RDH10: variants seen among roughly 807,000 people sequenced by gnomAD.
RDH10 encodes the protein retinol dehydrogenase 10 (all-trans).
Under a neutral mutation model 30.2 loss-of-function variants are expected in RDH10, and 12 were observed. That is an observed-to-expected ratio of 0.40 (90% confidence interval 0.25 to 0.64). RDH10 has a LOEUF of 0.64. Ranked by LOEUF, RDH10 falls within the 30% of genes least tolerant of loss-of-function variation. The pLI is 0.43. For missense variants in RDH10, 268 were observed against 445.2 expected, an observed-to-expected ratio of 0.60 and a Z score of 3.58; for synonymous variants, 189 against 172.2, an observed-to-expected ratio of 1.10 and a Z score of -0.76.
intron 1 of RDH10, among the ~76,000 whole-genome samples, chr8:73,296,418 T>G (rs555076754): frequency 9.2e-5 from 14 of 152,238 alleles, no homozygotes; most frequent in Non-Finnish European, 1.5e-4. Context: ...ATCATCAAAC[T>G]TATTGATACC....
In RDH10 at chr8:73,321,092, A is replaced by G. The variant is rs750724281; in HGVS notation, c.770+15A>G. ...TGCCGAATCAGGTCAGTGAGAACCT[A>G]TATTATTACTGATAAAAAGAATATG... On this transcript the variant is annotated intron_variant, in intron 4 of 5. Coordinates refer to ENST00000240285, the MANE Select transcript of RDH10 (RefSeq NM_172037.5). 2.3e-5 allele frequency: 36 copies of G among 1,580,026 alleles called. No homozygotes were observed. Among genetic ancestry groups the G allele is most frequent in the East Asian group, 2.3e-4 (10 of 44,226 alleles).
chr8:73,320,029 G>A (rs1429055350), intron 3 of RDH10, among the ~76,000 whole-genome samples: 5 of 152,164 alleles, frequency 3.3e-5, no homozygotes, highest in African/African-American at 1.2e-4. Flanking sequence ...CTGAAGTTGG[G>A]CCATGGACAA....
At chr8:73,296,365 G>A (rs146787704) in intron 1 of RDH10, among the ~76,000 whole-genome samples, 159 of 151,928 alleles carry the variant, frequency 1.0e-3, no homozygotes, top group African/African-American at 3.6e-3. Context: ...TTACCTGTAC[G>A]GAGAAAATTG....
In RDH10 at chr8:73,297,204, TGAG is replaced by T; in HGVS notation, c.303_305del (p.Glu103del). 2 of 1,607,086 alleles carry T rather than the reference TGAG, an allele frequency of 1.2e-6. No homozygotes were observed. The highest frequency in any genetic ancestry group is 1.7e-6 in the Non-Finnish European group (2 of 1,173,492). On this transcript the variant is annotated inframe_deletion, in exon 2 of 6. Transcript: ENST00000240285. ...GACTTCTGAGGACAGCTGGGAATGG[TGAG>T]GAAGAAATTCTGCCCCACTGTAACT...
chr8:73,301,661 C>T (rs1050804530), intron 2 of RDH10, among the ~76,000 whole-genome samples: 5 of 152,074 alleles, frequency 3.3e-5, no homozygotes, highest in African/African-American at 1.2e-4. Context: ...GAGGCTGAGG[C>T]AGGAGAATTG....
At chr8:73,307,583 T>C (rs111613005) in intron 2 of RDH10, among the ~76,000 whole-genome samples, 2 of 152,330 alleles carry the variant, frequency 1.3e-5, no homozygotes, top group African/African-American at 4.8e-5. Flanking sequence ...ACTATCCTCA[T>C]GTTTATGGAT....
At chr8:73,306,636 T>A (rs1379310512) in intron 2 of RDH10, among the ~76,000 whole-genome samples, 1 of 152,242 alleles carries the variant, frequency 6.6e-6, no homozygotes, top group African/African-American at 2.4e-5. Flanking sequence ...TTACAATGAA[T>A]TCACATTTGG....
rs1162606015 is a variant in RDH10 at position 73,320,321 on chromosome 8, T to C, written c.625-611T>C. Among the ~76,000 whole-genome samples, 3 of 152,242 alleles carry C rather than the reference T, an allele frequency of 2.0e-5. No homozygotes were observed. The East Asian group carries it at 5.8e-4, about 29-fold the overall frequency. On this transcript the variant is annotated intron_variant, in intron 3 of 5. Transcript: ENST00000240285. ...TTGTGAGCTTTCATAGAATCCTTTA[T>C]GGTAACTTCCCCAAAGTAATATGAT...
chr8:73,316,928 T>G (rs965301174), intron 2 of RDH10, among the ~76,000 whole-genome samples: 1 of 152,088 alleles, frequency 6.6e-6, no homozygotes, highest in Non-Finnish European at 1.5e-5. Flanking sequence ...ACTCCCATGA[T>G]CCAGTCACCT....
intron 1 of RDH10, 157 bp downstream of exon 1, chr8:73,295,735 G>C (rs1814250239): frequency 1.0e-6 from 1 of 952,788 alleles, no homozygotes; most frequent in Non-Finnish European, 1.5e-6. Flanking sequence ...TTCGCTTCCT[G>C]ATAAAGGAAC....
intron 2 of RDH10, among the ~76,000 whole-genome samples, chr8:73,304,177 A>G (rs1047493102): frequency 2.0e-5 from 3 of 152,112 alleles, no homozygotes; most frequent in Admixed American, 6.5e-5. Context: ...TGCGCCACAC[A>G]TTCTCTTAAA....
chr8:73,317,806 G>C (rs1814699017), intron 2 of RDH10, among the ~76,000 whole-genome samples: 1 of 152,014 alleles, frequency 6.6e-6, no homozygotes, highest in Non-Finnish European at 1.5e-5. Context: ...TGTAGTCCCA[G>C]CTACTCGGCA....
chr8:73,322,215 C>T, intron 4 of RDH10: 1 of 340,974 alleles, frequency 2.9e-6, no homozygotes, highest in South Asian at 2.3e-5. Context: ...AGAGAATATA[C>T]CTTAGCTTTC....
intron 2 of RDH10, among the ~76,000 whole-genome samples, chr8:73,302,451 C>A (rs144918801): frequency 6.6e-6 from 1 of 152,042 alleles, no homozygotes; most frequent in Non-Finnish European, 1.5e-5. Context: ...TTTGGGAGGC[C>A]GAGGAGGGTG....
intron 2 of RDH10, among the ~76,000 whole-genome samples, chr8:73,305,123 T>G (rs779128932): frequency 6.6e-6 from 1 of 152,246 alleles, no homozygotes; most frequent in Non-Finnish European, 1.5e-5. Flanking sequence ...AAAGACTGAA[T>G]GCAGAGTGCC....
At chr8:73,318,362 G>A (rs932698980) in intron 2 of RDH10, among the ~76,000 whole-genome samples, 6 of 152,132 alleles carry the variant, frequency 3.9e-5, no homozygotes, top group African/African-American at 1.4e-4. Flanking sequence ...CCCCCAGCCT[G>A]GAACTTGTGC....
At chr8:73,316,836 G>A (rs1297918371) in intron 2 of RDH10, among the ~76,000 whole-genome samples, 2 of 152,092 alleles carry the variant, frequency 1.3e-5, no homozygotes, top group African/African-American at 2.4e-5. Context: ...GGCTGCACAC[G>A]TTTAAACAAC....
intron 2 of RDH10, chr8:73,297,950 T>G (rs1586186217): frequency 6.1e-6 from 1 of 162,912 alleles, no homozygotes; most frequent in East Asian, 1.5e-4. Flanking sequence ...GCAGGACGCT[T>G]CGGGACTCTC....
At chr8:73,321,149 C>T in intron 4 of RDH10, 72 bp downstream of exon 4, 1 of 1,279,820 alleles carries the variant, frequency 7.8e-7, no homozygotes, top group African/African-American at 1.5e-5. Context: ...GACTTTCAAA[C>T]ATAACCTTGT....
Sources: allele counts gnomAD v4.1 joint callset (sites outside exome capture counted in the v4.1 genomes callset), GRCh38; gene constraint gnomAD v4.1.1; transcripts MANE v1.5; gene names NCBI Gene and HGNC (gene_info 2026-07-23, HGNC 2026-07-21).